Variants in BICC1 observed in about 807,000 individuals in gnomAD.
The protein encoded by BICC1 is protein bicaudal C homolog 1.
A neutral mutation model predicts 111.0 loss-of-function variants in BICC1; 43 were observed. That is an observed-to-expected ratio of 0.39 (90% CI 0.30 to 0.50). The LOEUF is 0.50. Among genes scored for constraint, BICC1 ranks in the 20% least tolerant of loss-of-function variants. The probability of loss-of-function intolerance (pLI) is 0.88; values close to 1 mark genes in which losing one functional copy is unlikely to be tolerated. For missense variants in BICC1, 1,091 were observed against 1,203.2 expected (o/e 0.91, Z 1.38); for synonymous variants, 467 against 434.4 (o/e 1.07, Z -0.93).
At chr10:58,631,677 A>G (rs1283007396) in intron 2 of BICC1, among the ~76,000 whole-genome samples, 4 of 152,196 alleles carry the variant, frequency 2.6e-5, no homozygotes, top group East Asian at 1.9e-4. Context: ...GTAACTGACA[A>G]TAAGCAAAAT....
chr10:58,745,649 A>G (rs1841815614), intron 3 of BICC1, among the ~76,000 whole-genome samples: 1 of 118,468 alleles, frequency 8.4e-6, no homozygotes, highest in South Asian at 2.9e-4. Context: ...TCTGTTTTCA[A>G]AGCCTTTTCT....
intron 1 of BICC1, among the ~76,000 whole-genome samples, chr10:58,600,020 A>G (rs1844975545): frequency 6.6e-6 from 1 of 151,942 alleles, no homozygotes; most frequent in South Asian, 2.1e-4. Flanking sequence ...TTGGACAAAG[A>G]TTGTCAAGAA....
intron 14 of BICC1, among the ~76,000 whole-genome samples, chr10:58,802,714 A>G (rs1038526370): frequency 6.6e-6 from 1 of 152,210 alleles, no homozygotes; most frequent in African/African-American, 2.4e-5. Flanking sequence ...AAAATTAGAA[A>G]TCTCATCTGT....
intron 1 of BICC1, among the ~76,000 whole-genome samples, chr10:58,550,673 A>G (rs1843272722): frequency 6.6e-6 from 1 of 152,190 alleles, no homozygotes; most frequent in Non-Finnish European, 1.5e-5. Context: ...CAATTATTCT[A>G]GCATCATTTG....
intron 2 of BICC1, among the ~76,000 whole-genome samples, chr10:58,623,700 C>A (rs1408632698): frequency 6.6e-6 from 1 of 152,154 alleles, no homozygotes; most frequent in Admixed American, 6.5e-5. Flanking sequence ...TGACCTTCAT[C>A]TCCGTTGTTG....
intron 1 of BICC1, among the ~76,000 whole-genome samples, chr10:58,584,136 A>C (rs1844366780): frequency 6.6e-6 from 1 of 152,008 alleles, no homozygotes; most frequent in Non-Finnish European, 1.5e-5. Flanking sequence ...CGCTATGTTG[A>C]CATTCCCATT....
Position 58,702,059 on chromosome 10 carries a change from C to A in BICC1, c.238-15C>A. On this transcript the variant is annotated splice_polypyrimidine_tract_variant and intron_variant, in intron 2 of 20. Coordinates refer to ENST00000373886, the MANE Select transcript of BICC1 (RefSeq NM_001080512.3). ...TTTTTAATTGAGTCAATATTTCTCT[C>A]AATTTTTGTTACAGATCATGGAGGA... The A allele has an allele frequency of 1.3e-6, 2 of 1,599,928 alleles. No homozygotes were observed. Among genetic ancestry groups the A allele is most frequent in the South Asian group, 2.2e-5 (2 of 88,970 alleles).
In BICC1 at chr10:58,810,295, C is replaced by A. The variant is rs1843859452; in HGVS notation, c.2376+3137C>A. ...CTTTTCTTGCTTTGGCTATCTTGGG[C>A]TAGCCTGCCCCATCATCCTGGCTGG... On this transcript the variant is annotated intron_variant, in intron 17 of 20. Transcript: ENST00000373886. 3.9e-5 allele frequency among the ~76,000 whole-genome samples: 6 copies of A among 152,306 alleles called. No individual in the cohort carries two copies. In the South Asian group the frequency reaches 1.2e-3, roughly 32 times the overall value.
At chr10:58,761,028 A>AT (rs1199714280) in intron 3 of BICC1, among the ~76,000 whole-genome samples, 10 of 151,150 alleles carry the variant, frequency 6.6e-5, no homozygotes, top group African/African-American at 1.5e-4. Flanking sequence ...ATTTTTGTAT[A>AT]TTTTTTTTTA....
chr10:58,796,130 A>G (rs574315132), intron 9 of BICC1, among the ~76,000 whole-genome samples: 3 of 152,224 alleles, frequency 2.0e-5, no homozygotes, highest in Non-Finnish European at 4.4e-5. Flanking sequence ...AACATGCCCA[A>G]TAAATGGTAA....
chr10:58,794,420 G>GT lies in BICC1; in HGVS notation c.1179+819dup, dbSNP rs539285951. 4.1e-3 allele frequency among the ~76,000 whole-genome samples: 590 copies of GT among 142,262 alleles called. 2 individuals carry two copies. The highest frequency in any genetic ancestry group is 7.4e-3 in the Middle Eastern group (2 of 272). The allele number at this position is 142,262 out of a possible 152,430, so 93.3% of individuals were successfully genotyped here. ...AGAGTAAAAATTTAATGGAATAAAT[G>GT]TTTTTTTTTTTTTTCTGAGACAGGG... On this transcript the variant is annotated intron_variant, in intron 9 of 20. Transcript: ENST00000373886.
intron 1 of BICC1, among the ~76,000 whole-genome samples, chr10:58,563,044 T>C (rs1327723560): frequency 6.6e-6 from 1 of 152,170 alleles, no homozygotes; most frequent in Admixed American, 6.5e-5. Flanking sequence ...CTTCTTGGTA[T>C]ACAGGTTGCT....
At chr10:58,568,043 G>A (rs1589105751) in intron 1 of BICC1, among the ~76,000 whole-genome samples, 1 of 152,140 alleles carries the variant, frequency 6.6e-6, no homozygotes, top group South Asian at 2.1e-4. Flanking sequence ...TTTGCAGTCA[G>A]TGGCATTCTA....
At chr10:58,679,083 G>T (rs1302470815) in intron 2 of BICC1, among the ~76,000 whole-genome samples, 1 of 152,154 alleles carries the variant, frequency 6.6e-6, no homozygotes, top group Admixed American at 6.5e-5. Flanking sequence ...GGAGGAAGCA[G>T]GAAAGATCTA....
At chr10:58,648,268 A>C (rs527482886) in intron 2 of BICC1, among the ~76,000 whole-genome samples, 13 of 152,260 alleles carry the variant, frequency 8.5e-5, no homozygotes, top group African/African-American at 2.9e-4. Flanking sequence ...TATATATAAA[A>C]ATATTTTCAC....
At chr10:58,737,038 T>C (rs748916057) in intron 3 of BICC1, among the ~76,000 whole-genome samples, 2 of 152,180 alleles carry the variant, frequency 1.3e-5, no homozygotes, top group Non-Finnish European at 2.9e-5. Context: ...ATGTCAACAT[T>C]TGAAAAAAAA....
intron 3 of BICC1, among the ~76,000 whole-genome samples, chr10:58,768,001 AAAAG>A (rs1318484152): frequency 1.3e-5 from 2 of 152,156 alleles, no homozygotes; most frequent in African/African-American, 4.8e-5. Context: ...TTCAAAGGAG[AAAAG>A]AAAGAAAAGG....
intron 1 of BICC1, among the ~76,000 whole-genome samples, chr10:58,568,507 A>G (rs1052752555): frequency 7.9e-5 from 12 of 152,134 alleles, no homozygotes; most frequent in Admixed American, 5.2e-4. Flanking sequence ...TGTTCACCTC[A>G]AAGATTAAAC....
chr10:58,683,363 C>T (rs564580899), intron 2 of BICC1, among the ~76,000 whole-genome samples: 29 of 152,226 alleles, frequency 1.9e-4, no homozygotes, highest in African/African-American at 5.5e-4. Flanking sequence ...CTTGGCAATG[C>T]GGGCTCTTTT....
Sources: allele counts gnomAD v4.1 joint callset (sites outside exome capture counted in the v4.1 genomes callset), GRCh38; gene constraint gnomAD v4.1.1; transcripts MANE v1.5; gene names NCBI Gene and HGNC (gene_info 2026-07-23, HGNC 2026-07-21).